RNF145: variants seen among roughly 807,000 people sequenced by gnomAD.
RNF145 encodes ring finger protein 145.
Under a neutral mutation model 57.3 loss-of-function variants are expected in RNF145, and 12 were observed. The ratio of observed to expected loss-of-function variants is 0.21; its 90% CI spans 0.13 to 0.34. The LOEUF is 0.34. Ranked by LOEUF, RNF145 falls within the 10% of genes least tolerant of loss-of-function variation. RNF145 has a pLI of 1.00. For synonymous variants in RNF145, 262 were observed against 288.3 expected (o/e 0.91, Z 0.92); for missense variants, 429 against 799.0 (o/e 0.54, Z 5.58).
intron 2 of RNF145, among the ~76,000 whole-genome samples, chr5:159,195,915 T>G (rs1162437948): frequency 6.6e-6 from 1 of 152,198 alleles, no homozygotes; most frequent in Non-Finnish European, 1.5e-5. Flanking sequence ...GTACAAACTG[T>G]GCTCCCCACC....
intron 6 of RNF145, among the ~76,000 whole-genome samples, chr5:159,171,349 G>A (rs192450136): frequency 7.3e-4 from 111 of 152,048 alleles, no homozygotes; most frequent in African/African-American, 2.7e-3. Flanking sequence ...TTAACCAAAG[G>A]TCCATACTAT....
At chr5:159,201,548 T>C (rs1038933723) in intron 2 of RNF145, among the ~76,000 whole-genome samples, 2 of 152,020 alleles carry the variant, frequency 1.3e-5, no homozygotes, top group African/African-American at 2.4e-5. Flanking sequence ...CGATATCTAC[T>C]CAAGAGAGTC....
chr5:159,197,151 G>A (rs1785488292), intron 2 of RNF145, among the ~76,000 whole-genome samples: 1 of 152,206 alleles, frequency 6.6e-6, no homozygotes, highest in Non-Finnish European at 1.5e-5. Context: ...CTATGGTTAA[G>A]TGATTAAGCT....
intron 1 of RNF145, among the ~76,000 whole-genome samples, chr5:159,205,507 T>C (rs1785845856): frequency 6.6e-6 from 1 of 152,224 alleles, no homozygotes; most frequent in Non-Finnish European, 1.5e-5. Context: ...TTAATGTGTA[T>C]AAGCCATCTA....
intron 2 of RNF145, among the ~76,000 whole-genome samples, chr5:159,201,957 A>G (rs1222795011): frequency 1.3e-5 from 2 of 152,236 alleles, no homozygotes; most frequent in Non-Finnish European, 2.9e-5. Context: ...GGAGCATTAC[A>G]TAAACACTAT....
Position 159,158,781 on chromosome 5 carries a change from C to G in RNF145, c.1881G>C (p.Arg627Ser), listed in dbSNP as rs1204591444. Residue 627 changes from arginine (R) to serine (S), a missense_variant, in exon 11 of 11, where the codon AGG becomes AGC. Transcript: ENST00000424310. The stretch of plus-strand genomic sequence containing the variant: ...GTCTGGCAATGTACTCATTATTGTC[C>G]CTGGAACCTTCCTGTATCCTGGTCC... ...TPGTRIQEGS[R>S]DNNEYIARRP... 1 of 1,613,906 alleles carries G rather than the reference C, an allele frequency of 6.2e-7. No homozygotes were observed. Among genetic ancestry groups the G allele is most frequent in the Admixed American group, 1.7e-5 (1 of 60,020 alleles).
intron 3 of RNF145, among the ~76,000 whole-genome samples, chr5:159,193,792 C>T (rs1007214893): frequency 3.3e-5 from 5 of 152,174 alleles, no homozygotes; most frequent in African/African-American, 1.2e-4. Flanking sequence ...TAAATTTCAA[C>T]TACCCCAAAA....
intron 1 of RNF145, among the ~76,000 whole-genome samples, chr5:159,204,803 CAAAAAAAAAAAAA>C (rs1163143098): frequency 6.4e-5 from 3 of 47,068 alleles, no homozygotes; most frequent in Non-Finnish European, 1.4e-4. Context: ...GACTCCGTCT[CAAAAAAAAAAAAA>C]AAAAAAAAAA....
At chr5:159,208,915 G>T (rs1461118789) in intron 1 of RNF145, among the ~76,000 whole-genome samples, 3 of 151,796 alleles carry the variant, frequency 2.0e-5, no homozygotes, top group Admixed American at 1.3e-4. Flanking sequence ...GGGATGGGAG[G>T]GCGGGGAGGC....
At chr5:159,165,268 C>T (rs1784355254) in intron 8 of RNF145, among the ~76,000 whole-genome samples, 1 of 152,238 alleles carries the variant, frequency 6.6e-6, no homozygotes, top group Admixed American at 6.5e-5. Flanking sequence ...CTCTGCCCCA[C>T]GAAACCACTA....
At chr5:159,168,828 G>A in intron 8 of RNF145, 45 bp downstream of exon 8, 1 of 1,221,908 alleles carries the variant, frequency 8.2e-7, no homozygotes, top group African/African-American at 1.5e-5. Context: ...TGCATGTAAA[G>A]AATATTACAT....
chr5:159,159,027 T>C lies in RNF145; in HGVS notation c.1635A>G (p.Lys545=). 5 of 1,611,222 alleles carry C rather than the reference T, an allele frequency of 3.1e-6. No individual in the cohort carries two copies. Among genetic ancestry groups the C allele is most frequent in the Non-Finnish European group, 3.4e-6 (4 of 1,178,046 alleles). The change falls in exon 11 of 11, where the codon AAA becomes AAG. Residue 545 remains lysine, a synonymous_variant. Coordinates refer to ENST00000424310, the MANE Select transcript of RNF145 (RefSeq NM_001199383.2). ...DICAICYQDM[K]SAVITPCSHF... is the part of the protein sequence containing the mutation. Reference sequence around the variant, plus strand: ...GACTGCAAGGCGTGATCACAGCAGATTTCATGTCCTAAAAGAGGGGGAAAA... The same window carrying C: ...GACTGCAAGGCGTGATCACAGCAGACTTCATGTCCTAAAAGAGGGGGAAAA...
Position 159,177,987 on chromosome 5 carries a change from T to C in RNF145, c.386-1120A>G, listed in dbSNP as rs11957203. Among the ~76,000 whole-genome samples, 512 of 152,162 alleles carry C rather than the reference T, an allele frequency of 3.4e-3. 4 individuals are homozygous for C. The highest frequency in any genetic ancestry group is 0.012 in the African/African-American group (487 of 41,568). On this transcript the variant is annotated intron_variant, in intron 4 of 10. Transcript: ENST00000424310. Reference sequence around the variant, plus strand: ...ACTGCCTGATCGAAATAGTAATCCTTAGTCACATGATTGCATTTTTCTAAT... The same window carrying C: ...ACTGCCTGATCGAAATAGTAATCCTCAGTCACATGATTGCATTTTTCTAAT...
chr5:159,175,126 C>T (rs1275496147), intron 5 of RNF145, among the ~76,000 whole-genome samples: 1 of 152,146 alleles, frequency 6.6e-6, no homozygotes, highest in African/African-American at 2.4e-5. Context: ...AAAATTCTTT[C>T]ATCAGTAAAG....
At chr5:159,176,530 G>C in intron 5 of RNF145, 102 bp downstream of exon 5, 1 of 717,814 alleles carries the variant, frequency 1.4e-6, no homozygotes, top group South Asian at 2.0e-5. Flanking sequence ...CTGCAAAAAT[G>C]AATGGTACCA....
chr5:159,162,584 G>A (rs1452883199), intron 9 of RNF145, among the ~76,000 whole-genome samples: 6 of 151,426 alleles, frequency 4.0e-5, no homozygotes, highest in Non-Finnish European at 7.4e-5. Flanking sequence ...ACAGGCGCCC[G>A]CCACCGCGCC....
chr5:159,187,445 A>G (rs1785110246), intron 3 of RNF145, among the ~76,000 whole-genome samples: 1 of 151,652 alleles, frequency 6.6e-6, no homozygotes, highest in Non-Finnish European at 1.5e-5. Context: ...CTCCTGCCTC[A>G]GTATCCTGAG....
chr5:159,202,951 AT>A (rs996270483), intron 2 of RNF145, among the ~76,000 whole-genome samples: 4 of 150,996 alleles, frequency 2.6e-5, no homozygotes, highest in Non-Finnish European at 1.5e-5. Flanking sequence ...TTCCAGGAGG[AT>A]TTTTTTTATG....
At chr5:159,204,798 C>T (rs1393003030) in intron 1 of RNF145, among the ~76,000 whole-genome samples, 10 of 95,544 alleles carry the variant, frequency 1.0e-4, no homozygotes, top group Non-Finnish European at 1.7e-4. Flanking sequence ...AGCTAGACTC[C>T]GTCTCAAAAA....
Sources: allele counts gnomAD v4.1 joint callset (sites outside exome capture counted in the v4.1 genomes callset), GRCh38; gene constraint gnomAD v4.1.1; transcripts MANE v1.5; gene names NCBI Gene and HGNC (gene_info 2026-07-23, HGNC 2026-07-21).